RASSF8: variants seen among roughly 807,000 people sequenced by gnomAD.
The protein encoded by RASSF8 is Ras association domain family member 8, also known as ras association domain-containing protein 8.
A neutral mutation model predicts 48.5 loss-of-function variants in RASSF8; 22 were observed. That is an observed-to-expected ratio of 0.45 (90% CI 0.32 to 0.65). The LOEUF is 0.65. Ranked by LOEUF, RASSF8 falls within the 30% of genes least tolerant of loss-of-function variation. RASSF8 has a pLI of 0.03. For synonymous variants in RASSF8, 127 were observed against 171.5 expected, an observed-to-expected ratio of 0.74 and a Z score of 2.03; for missense variants, 418 against 489.2, an observed-to-expected ratio of 0.85 and a Z score of 1.37.
chr12:26,003,918 T>A (rs1323536614), intron 2 of RASSF8, among the ~76,000 whole-genome samples: 4 of 152,220 alleles, frequency 2.6e-5, no homozygotes, highest in African/African-American at 9.6e-5. Context: ...GGCTCATGCA[T>A]GTAATCCTAG....
downstream of RASSF8, chr12:26,072,943 AG>A (rs1944028659): frequency 9.2e-6 from 5 of 544,726 alleles, no homozygotes; most frequent in Non-Finnish European, 1.2e-5. Flanking sequence ...AAGATACCAA[AG>A]AGAATAGTGG....
intron 1 of RASSF8, among the ~76,000 whole-genome samples, chr12:25,965,363 CTT>C (rs11420016): frequency 2.6e-4 from 30 of 116,824 alleles, no homozygotes; most frequent in Admixed American, 4.8e-4. Context: ...TCCCAAATTT[CTT>C]TTTTTTTTTT....
rs12812752 is a variant in RASSF8 at position 26,010,223 on chromosome 12, G to C, written c.-109+15093G>C. Among the ~76,000 whole-genome samples, 6 of 152,208 alleles carry C rather than the reference G, an allele frequency of 3.9e-5. No homozygotes were observed. In the South Asian group the frequency reaches 1.2e-3, roughly 32 times the overall value. ...GAGAGTTAGTCAGGCACCAGCAAAG[G>C]GTTTGAGTTTTAAGTCGAAATTAAA... On this transcript the variant is annotated intron_variant, in intron 2 of 5. Transcript: ENST00000689635.
At chr12:26,022,746 CT>C (rs1316216372) in intron 2 of RASSF8, among the ~76,000 whole-genome samples, 28 of 148,732 alleles carry the variant, frequency 1.9e-4, no homozygotes, top group Admixed American at 3.4e-4. Context: ...TTCTTTCTTT[CT>C]TTTTTTTTTG....
At chr12:25,985,866 A>G (rs1941861670) in intron 1 of RASSF8, among the ~76,000 whole-genome samples, 1 of 152,206 alleles carries the variant, frequency 6.6e-6, no homozygotes, top group Non-Finnish European at 1.5e-5. Flanking sequence ...GCTGACTGTC[A>G]TTTACTAGCA....
chr12:25,984,791 T>C (rs940263416), intron 1 of RASSF8, among the ~76,000 whole-genome samples: 1 of 152,240 alleles, frequency 6.6e-6, no homozygotes, highest in African/African-American at 2.4e-5. Flanking sequence ...CATGAATGTT[T>C]CCTTTTGTTT....
intron 2 of RASSF8, among the ~76,000 whole-genome samples, chr12:26,032,186 A>T (rs777929254): frequency 6.6e-6 from 1 of 152,172 alleles, no homozygotes; most frequent in Non-Finnish European, 1.5e-5. Context: ...CTTTCTTGTG[A>T]TGAGCTAGTC....
intron 2 of RASSF8, among the ~76,000 whole-genome samples, chr12:26,000,968 T>C (rs1377283244): frequency 6.8e-6 from 1 of 147,776 alleles, no homozygotes; most frequent in Admixed American, 7.0e-5. Context: ...GCTGCACATG[T>C]ATTTTAAAAT....
At chr12:25,983,676 A>G (rs1349256498) in intron 1 of RASSF8, among the ~76,000 whole-genome samples, 2 of 152,200 alleles carry the variant, frequency 1.3e-5, no homozygotes, top group African/African-American at 2.4e-5. Context: ...AGTTCAGAGC[A>G]CTTTGTGTGG....
chr12:26,075,162 G>A (rs1944061175), downstream of RASSF8, among the ~76,000 whole-genome samples: 1 of 152,022 alleles, frequency 6.6e-6, no homozygotes, highest in Admixed American at 6.6e-5. Context: ...AACCAAACAA[G>A]TTATAGATAT....
At chr12:26,004,312 A>G (rs544348871) in intron 2 of RASSF8, among the ~76,000 whole-genome samples, 1 of 152,332 alleles carries the variant, frequency 6.6e-6, no homozygotes, top group African/African-American at 2.4e-5. Flanking sequence ...ACTGAGATTT[A>G]TGCCTACATT....
intron 1 of RASSF8, among the ~76,000 whole-genome samples, chr12:25,960,993 G>T (rs1271980266): frequency 1.3e-5 from 2 of 152,192 alleles, no homozygotes; most frequent in Non-Finnish European, 2.9e-5. Context: ...ATTCGACATG[G>T]TTGTATAATT....
intron 1 of RASSF8, among the ~76,000 whole-genome samples, chr12:25,965,574 C>G (rs1460005131): frequency 6.6e-6 from 1 of 151,390 alleles, no homozygotes; most frequent in African/African-American, 2.4e-5. Context: ...GTTGGCCAGG[C>G]TTATCTCTCC....
At chr12:25,971,895 G>C (rs1487406330) in intron 1 of RASSF8, among the ~76,000 whole-genome samples, 1 of 152,228 alleles carries the variant, frequency 6.6e-6, no homozygotes, top group Admixed American at 6.5e-5. Context: ...AGAGTGAGAA[G>C]TCCAGATTGG....
intron 2 of RASSF8, among the ~76,000 whole-genome samples, chr12:26,044,151 C>T (rs1393136359): frequency 6.6e-6 from 1 of 152,184 alleles, no homozygotes; most frequent in Non-Finnish European, 1.5e-5. Flanking sequence ...GCTACTTCCT[C>T]CCACTTTGCA....
intron 2 of RASSF8, among the ~76,000 whole-genome samples, chr12:26,044,246 C>T (rs1943325983): frequency 6.6e-6 from 1 of 152,054 alleles, no homozygotes; most frequent in Non-Finnish European, 1.5e-5. Flanking sequence ...CATGAGTTTC[C>T]TGGCAGAGAT....
At position 26,070,741 on chromosome 12, in the gene RASSF8, T is replaced by A. The variant is rs1472124289; in HGVS notation, c.*1923T>A. On this transcript the variant is annotated 3_prime_UTR_variant, in exon 6 of 6. Coordinates refer to ENST00000689635, the MANE Select transcript of RASSF8 (RefSeq NM_001394098.1). ...TTGTTGTTGTTCAGAGAAATCAAGA[T>A]CTTATTCACAAAGAAAAACATTTTA... The A allele has an allele frequency of 1.1e-6, 1 of 920,754 alleles. No individual in the cohort carries two copies. The highest frequency in any genetic ancestry group is 6.3e-5 in the Admixed American group (1 of 15,974). The allele number at this position is 920,754 out of a possible 1,614,324, so 57.0% of individuals were successfully genotyped here. A position where few individuals can be genotyped will look rare whatever the true frequency, so the allele number is the denominator to read the frequency against.
At chr12:26,029,296 AAAG>A (rs1251355640) in intron 2 of RASSF8, among the ~76,000 whole-genome samples, 2 of 152,200 alleles carry the variant, frequency 1.3e-5, no homozygotes, top group East Asian at 1.9e-4. Flanking sequence ...TTAGCTGGGG[AAAG>A]AAGAACATTG....
chr12:26,027,856 A>G (rs1445539242), intron 2 of RASSF8, among the ~76,000 whole-genome samples: 4 of 152,190 alleles, frequency 2.6e-5, no homozygotes, highest in African/African-American at 9.7e-5. Flanking sequence ...TTAGCCTGAA[A>G]AAGAACAGCC....
Sources: gnomAD v4.1 joint callset for allele counts (sites outside exome capture counted in the v4.1 genomes callset) on GRCh38, gnomAD v4.1.1 for gene constraint, MANE v1.5 for transcripts, NCBI Gene and HGNC (gene_info 2026-07-23, HGNC 2026-07-21) for gene names.